SPAG17: variants seen among roughly 807,000 people sequenced by gnomAD.
SPAG17 encodes sperm associated antigen 17.
SPAG17 carries 169 observed loss-of-function variants against 273.6 expected under a neutral mutation model. The observed-to-expected ratio is 0.62, with a 90% confidence interval of 0.55 to 0.70. SPAG17 has a LOEUF of 0.70. Among genes scored for constraint, SPAG17 ranks in the 30% least tolerant of loss-of-function variants. SPAG17 has a pLI of 0.00. For synonymous variants in SPAG17, 825 were observed against 873.2 expected, an observed-to-expected ratio of 0.94 and a Z score of 0.97; for missense variants, 2,557 against 2,627.8, an observed-to-expected ratio of 0.97 and a Z score of 0.59.
At chr1:118,116,432 TC>T (rs1657082569) in intron 3 of SPAG17, among the ~76,000 whole-genome samples, 1 of 152,080 alleles carries the variant, frequency 6.6e-6, no homozygotes, top group African/African-American at 2.4e-5. Context: ...GTTGCTTTTC[TC>T]CCCCCTTGGA....
chr1:118,136,597 C>T (rs1482342580), intron 3 of SPAG17, among the ~76,000 whole-genome samples: 3 of 152,142 alleles, frequency 2.0e-5, no homozygotes, highest in Non-Finnish European at 4.4e-5. Context: ...CATCACACGG[C>T]AACTGCCTTC....
At chr1:117,988,295 A>G (rs920893735) in intron 38 of SPAG17, 91 bp from the exon 39 acceptor site, 4 of 863,296 alleles carry the variant, frequency 4.6e-6, no homozygotes, top group Non-Finnish European at 6.9e-6. Flanking sequence ...GATGCCTGTT[A>G]AGAGCCTATA....
intron 1 of SPAG17, among the ~76,000 whole-genome samples, chr1:118,162,787 ATGTC>A (rs1659992830): frequency 6.6e-6 from 1 of 151,814 alleles, no homozygotes; most frequent in Non-Finnish European, 1.5e-5. Flanking sequence ...TTATGTTTTG[ATGTC>A]TATCCATGTT....
intron 18 of SPAG17, among the ~76,000 whole-genome samples, chr1:118,062,362 A>G (rs2802674): frequency 0.99 from 115,001 of 116,704 alleles, 56,730 homozygotes; most frequent in East Asian, 1. Context: ...GCGAGACTCC[A>G]TCTCAAAAAA....
intron 3 of SPAG17, among the ~76,000 whole-genome samples, chr1:118,138,576 C>G (rs1658489856): frequency 6.6e-6 from 1 of 152,072 alleles, no homozygotes; most frequent in Non-Finnish European, 1.5e-5. Context: ...TTGAAACCAA[C>G]CAAATTTCTT....
At chr1:117,972,618 A>G (rs1350297796) in intron 44 of SPAG17, among the ~76,000 whole-genome samples, 1 of 152,202 alleles carries the variant, frequency 6.6e-6, no homozygotes, top group Non-Finnish European at 1.5e-5. Flanking sequence ...GCCCTACACC[A>G]GATCTAGTGA....
chr1:118,118,438 C>T (rs2102265478), intron 3 of SPAG17, among the ~76,000 whole-genome samples: 1 of 152,298 alleles, frequency 6.6e-6, no homozygotes, highest in East Asian at 1.9e-4. Flanking sequence ...AAAATTTAAG[C>T]TTCCAGAACT....
intron 23 of SPAG17, among the ~76,000 whole-genome samples, chr1:118,037,861 A>G (rs1389390120): frequency 6.6e-6 from 1 of 152,136 alleles, no homozygotes; most frequent in East Asian, 1.9e-4. Flanking sequence ...TCAGTTCACC[A>G]TTTTCTCTAT....
At chr1:118,031,440 T>G (rs1648456238) in intron 25 of SPAG17, among the ~76,000 whole-genome samples, 1 of 152,170 alleles carries the variant, frequency 6.6e-6, no homozygotes, top group Non-Finnish European at 1.5e-5. Context: ...AAGGTTGAAC[T>G]AAGTTTTTCC....
intron 18 of SPAG17, among the ~76,000 whole-genome samples, chr1:118,058,270 C>T (rs1651910749): frequency 6.6e-6 from 1 of 152,016 alleles, no homozygotes; most frequent in African/African-American, 2.4e-5. Context: ...TGCAGGGGTA[C>T]AATCATGTCT....
chr1:117,978,872 T>C (rs1395089818), intron 43 of SPAG17, among the ~76,000 whole-genome samples: 8 of 148,914 alleles, frequency 5.4e-5, no homozygotes, highest in African/African-American at 1.7e-4. Flanking sequence ...TCCTCTTCTT[T>C]TTTTTTTTTT....
At chr1:118,091,799 A>T (rs1470873202) in intron 9 of SPAG17, 81 bp from the exon 10 acceptor site, 18 of 1,322,660 alleles carry the variant, frequency 1.4e-5, no homozygotes, top group Non-Finnish European at 1.7e-5. Flanking sequence ...ATAATTTCAA[A>T]CTATGACTAT....
intron 13 of SPAG17, among the ~76,000 whole-genome samples, chr1:118,085,291 T>C (rs753174487): frequency 1.3e-5 from 2 of 152,202 alleles, no homozygotes; most frequent in Non-Finnish European, 2.9e-5. Flanking sequence ...GTTTTATTGA[T>C]TGTGGGTGGC....
At chr1:118,034,247 C>T (rs1316911128) in intron 24 of SPAG17, among the ~76,000 whole-genome samples, 2 of 152,118 alleles carry the variant, frequency 1.3e-5, no homozygotes, top group Admixed American at 6.5e-5. Context: ...GATTAGAACC[C>T]GTCAGGTACA....
At chr1:118,152,876 TAG>T (rs1659466157) in intron 1 of SPAG17, among the ~76,000 whole-genome samples, 4 of 152,214 alleles carry the variant, frequency 2.6e-5, no homozygotes, top group African/African-American at 9.6e-5. Flanking sequence ...GCTGCAACTG[TAG>T]TCATCATTAA....
intron 15 of SPAG17, among the ~76,000 whole-genome samples, chr1:118,079,074 G>C (rs1654332285): frequency 6.6e-6 from 1 of 151,958 alleles, no homozygotes; most frequent in Admixed American, 6.6e-5. Context: ...TAAAGTTTAT[G>C]CTAGCTTCAT....
At chr1:118,040,159 T>G (rs947886251) in intron 22 of SPAG17, among the ~76,000 whole-genome samples, 22 of 152,180 alleles carry the variant, frequency 1.4e-4, no homozygotes, top group Non-Finnish European at 2.9e-4. Context: ...TCTTTTTGTT[T>G]TAAAAAAATT....
At chr1:118,079,653 T>G (rs1266491141) in intron 15 of SPAG17, among the ~76,000 whole-genome samples, 1 of 152,094 alleles carries the variant, frequency 6.6e-6, no homozygotes, top group Non-Finnish European at 1.5e-5. Flanking sequence ...CACTTTATTT[T>G]GATTTATTTT....
chr1:118,153,204 G>A (rs1659482655), intron 1 of SPAG17, among the ~76,000 whole-genome samples: 2 of 152,076 alleles, frequency 1.3e-5, no homozygotes, highest in African/African-American at 4.8e-5. Flanking sequence ...AGAGAGGAGG[G>A]GCAAGAGGGA....
Sources: allele counts gnomAD v4.1 joint callset (sites outside exome capture counted in the v4.1 genomes callset), GRCh38; gene constraint gnomAD v4.1.1; transcripts MANE v1.5; gene names NCBI Gene and HGNC (gene_info 2026-07-23, HGNC 2026-07-21).